Variants in ADAMTS19 observed in about 807,000 individuals in gnomAD.
ADAMTS19 encodes ADAM metallopeptidase with thrombospondin type 1 motif 19.
In ADAMTS19, 93 loss-of-function variants were observed where a neutral mutation model predicts 153.3. The observed-to-expected ratio is 0.61, with a 90% CI of 0.51 to 0.72. The LOEUF is 0.72. Ranked by LOEUF, ADAMTS19 falls within the 30% of genes least tolerant of loss-of-function variation. ADAMTS19 has a pLI of 0.00. For missense variants in ADAMTS19, 1,482 were observed against 1,552.1 expected (o/e 0.95, Z 0.76); for synonymous variants, 600 against 556.6 (o/e 1.08, Z -1.10).
At chr5:129,705,747 T>G (rs1027485896) in intron 21 of ADAMTS19, among the ~76,000 whole-genome samples, 1 of 152,190 alleles carries the variant, frequency 6.6e-6, no homozygotes, top group African/African-American at 2.4e-5. Context: ...ATTTGTTTCC[T>G]TAATTCTAAG....
intron 8 of ADAMTS19, among the ~76,000 whole-genome samples, chr5:129,612,594 G>A (rs1011220937): frequency 1.3e-5 from 2 of 152,086 alleles, no homozygotes; most frequent in African/African-American, 2.4e-5. Context: ...ATGCCAAATT[G>A]TAAAGAACAT....
chr5:129,611,675 T>G (rs1017121904), intron 8 of ADAMTS19, among the ~76,000 whole-genome samples: 1 of 152,180 alleles, frequency 6.6e-6, no homozygotes, highest in Admixed American at 6.6e-5. Context: ...AGTACCATGC[T>G]GTTTTGGTTA....
intron 3 of ADAMTS19, among the ~76,000 whole-genome samples, chr5:129,521,911 CAATT>C (rs767046548): frequency 1.3e-5 from 2 of 151,976 alleles, no homozygotes; most frequent in African/African-American, 2.4e-5. Context: ...TACTGATAGA[CAATT>C]AATAGTCTCT....
At chr5:129,695,358 T>G (rs2127149410) in intron 19 of ADAMTS19, among the ~76,000 whole-genome samples, 1 of 152,264 alleles carries the variant, frequency 6.6e-6, no homozygotes, top group South Asian at 2.1e-4. Context: ...CACCACCAAC[T>G]TTGTGACCCA....
At position 129,472,398 on chromosome 5, in the gene ADAMTS19, G is replaced by A. The variant is rs138147073; in HGVS notation, c.747+10641G>A. Among the ~76,000 whole-genome samples, 498 of 152,156 alleles carry A rather than the reference G, an allele frequency of 3.3e-3. 6 individuals are homozygous for A. Among genetic ancestry groups the A allele is most frequent in the African/African-American group, 0.012 (482 of 41,514 alleles). The stretch of plus-strand genomic sequence containing the variant: ...AAGGATCTTGCATGAATTTTAATCC[G>A]TATATACTCTTTTTGGAAAGTTCCA... On this transcript the variant is annotated intron_variant, in intron 2 of 22. Coordinates refer to ENST00000274487, the MANE Select transcript of ADAMTS19 (RefSeq NM_133638.6).
intron 8 of ADAMTS19, among the ~76,000 whole-genome samples, chr5:129,619,829 A>C (rs1435241468): frequency 6.6e-6 from 1 of 152,102 alleles, no homozygotes. Context: ...TGCCTCTAAC[A>C]GTAAACAAAA....
intron 6 of ADAMTS19, among the ~76,000 whole-genome samples, chr5:129,544,891 C>T (rs1029375630): frequency 6.6e-5 from 10 of 152,092 alleles, no homozygotes; most frequent in African/African-American, 2.4e-4. Flanking sequence ...AAAAATGCTT[C>T]CTCTGGGTAT....
chr5:129,601,625 A>C (rs1430677506), intron 8 of ADAMTS19, among the ~76,000 whole-genome samples: 1 of 152,196 alleles, frequency 6.6e-6, no homozygotes, highest in Non-Finnish European at 1.5e-5. Flanking sequence ...TCAAAGGAAA[A>C]AGTCACATAG....
intron 7 of ADAMTS19, among the ~76,000 whole-genome samples, chr5:129,569,973 T>C (rs953812424): frequency 6.6e-6 from 1 of 151,938 alleles, no homozygotes; most frequent in African/African-American, 2.4e-5. Context: ...GTAGTAAAAA[T>C]AGGAGCATAA....
chr5:129,545,939 A>G (rs1752838529), intron 6 of ADAMTS19, among the ~76,000 whole-genome samples: 1 of 149,116 alleles, frequency 6.7e-6, no homozygotes, highest in African/African-American at 2.6e-5. Flanking sequence ...ATGCACACGT[A>G]TGTTTATTGC....
chr5:129,482,811 G>A lies in ADAMTS19; in HGVS notation c.747+21054G>A, dbSNP rs143839201. Reference sequence around the variant, plus strand: ...TTCTATGTTCACAGTATCACCATATGCTCAGTCCCATGTCACATATTTCTT... The same window carrying A: ...TTCTATGTTCACAGTATCACCATATACTCAGTCCCATGTCACATATTTCTT... On this transcript the variant is annotated intron_variant, in intron 2 of 22. Coordinates refer to ENST00000274487, the MANE Select transcript of ADAMTS19 (RefSeq NM_133638.6). 9.2e-3 allele frequency among the ~76,000 whole-genome samples: 1,400 copies of A among 152,208 alleles called. 24 individuals are homozygous for A. The highest frequency in any genetic ancestry group is 0.031 in the African/African-American group (1,289 of 41,524).
At chr5:129,483,394 C>T (rs1750481390) in intron 2 of ADAMTS19, among the ~76,000 whole-genome samples, 1 of 152,148 alleles carries the variant, frequency 6.6e-6, no homozygotes, top group South Asian at 2.1e-4. Flanking sequence ...CTGGGTTTCT[C>T]AACCTAAGTA....
chr5:129,590,808 C>T (rs1750097603), intron 7 of ADAMTS19, among the ~76,000 whole-genome samples: 1 of 152,140 alleles, frequency 6.6e-6, no homozygotes, highest in South Asian at 2.1e-4. Context: ...GGGTACCATT[C>T]TTATATCATT....
In ADAMTS19 at chr5:129,611,556, C is replaced by T. The variant is rs527610369; in HGVS notation, c.1479-9062C>T. Among the ~76,000 whole-genome samples, 179 of 152,202 alleles carry T rather than the reference C, an allele frequency of 1.2e-3. 1 individual carries two copies. The highest frequency in any genetic ancestry group is 4.2e-3 in the African/African-American group (175 of 41,534). Reference sequence around the variant, plus strand: ...TTTATTAAATAGGGAATCCTTTCCTCATTTATTATTTTTGTCAGATTTGTC... The same window carrying T: ...TTTATTAAATAGGGAATCCTTTCCTTATTTATTATTTTTGTCAGATTTGTC... On this transcript the variant is annotated intron_variant, in intron 8 of 22. Transcript: ENST00000274487.
At chr5:129,576,601 A>C (rs953953389) in intron 7 of ADAMTS19, among the ~76,000 whole-genome samples, 1 of 126,246 alleles carries the variant, frequency 7.9e-6, no homozygotes, top group African/African-American at 3.1e-5. Context: ...TTTTTTTTTT[A>C]GTTAAATACC....
intron 7 of ADAMTS19, among the ~76,000 whole-genome samples, chr5:129,567,461 G>A (rs1753756440): frequency 6.6e-6 from 1 of 152,096 alleles, no homozygotes; most frequent in Admixed American, 6.6e-5. Flanking sequence ...GTAAGGGCAA[G>A]CATATTTCAA....
At chr5:129,654,517 G>A in intron 14 of ADAMTS19, 84 bp downstream of exon 14, 2 of 1,454,980 alleles carry the variant, frequency 1.4e-6, no homozygotes, top group Non-Finnish European at 9.3e-7. Context: ...ATGGTGGAAA[G>A]CTTTGGACTT....
At chr5:129,630,344 T>A (rs890987571) in intron 10 of ADAMTS19, among the ~76,000 whole-genome samples, 1 of 152,072 alleles carries the variant, frequency 6.6e-6, no homozygotes, top group Non-Finnish European at 1.5e-5. Flanking sequence ...TTGGAGGACA[T>A]AAACTGCATG....
In ADAMTS19 at chr5:129,486,951, T is replaced by C. The variant is rs531435073; in HGVS notation, c.748-22126T>C. 2.6e-5 allele frequency among the ~76,000 whole-genome samples: 4 copies of C among 152,234 alleles called. No homozygotes were observed. The East Asian group carries it at 5.8e-4, about 22-fold the overall frequency. On this transcript the variant is annotated intron_variant, in intron 2 of 22. Coordinates refer to ENST00000274487, the MANE Select transcript of ADAMTS19 (RefSeq NM_133638.6). ...CGGTTCATCAGAAATAACCACTGAG[T>C]GTGCATGCACATGCATTTATCACAG...
Sources: gnomAD v4.1 joint callset for allele counts (sites outside exome capture counted in the v4.1 genomes callset) on GRCh38, gnomAD v4.1.1 for gene constraint, MANE v1.5 for transcripts, NCBI Gene and HGNC (gene_info 2026-07-23, HGNC 2026-07-21) for gene names.